Variants in CCDC158 observed in about 807,000 individuals in gnomAD.
CCDC158 encodes coiled-coil domain-containing protein 158.
A neutral mutation model predicts 138.6 loss-of-function variants in CCDC158; 116 were observed. The observed-to-expected ratio is 0.84, with a 90% CI of 0.72 to 0.98. CCDC158 has a LOEUF of 0.98. Ranked by LOEUF, CCDC158 falls within the 50% of genes least tolerant of loss-of-function variation. The pLI is 0.00. For missense variants in CCDC158, 1,265 were observed against 1,306.1 expected, an observed-to-expected ratio of 0.97 and a Z score of 0.48; for synonymous variants, 436 against 442.4, an observed-to-expected ratio of 0.99 and a Z score of 0.18.
Position 76,357,991 on chromosome 4 carries a change from GCA to G in CCDC158, c.2021-467_2021-466del, listed in dbSNP as rs3041129. On this transcript the variant is annotated intron_variant, in intron 13 of 24. Coordinates refer to ENST00000682701, the MANE Select transcript of CCDC158 (RefSeq NM_001394954.1). ...GATATACTACAATACACACATGTGT[GCA>G]CACACACACACACACACATATTTAT... Among the ~76,000 whole-genome samples the G allele has an allele frequency of 1.6e-3, 231 of 148,748 alleles. 1 individual carries two copies. The highest frequency in any genetic ancestry group is 7.1e-3 in the East Asian group (36 of 5,094).
At chr4:76,329,797 T>C (rs1720862482) in intron 21 of CCDC158, among the ~76,000 whole-genome samples, 1 of 152,192 alleles carries the variant, frequency 6.6e-6, no homozygotes, top group African/African-American at 2.4e-5. Flanking sequence ...AGGTTGTTAT[T>C]TGCTTTATAA....
intron 1 of CCDC158, among the ~76,000 whole-genome samples, chr4:76,412,433 T>C (rs1164815137): frequency 6.6e-6 from 1 of 152,118 alleles, no homozygotes; most frequent in Non-Finnish European, 1.5e-5. Context: ...GGCCACATAG[T>C]AAGACCTTGC....
intron 2 of CCDC158, among the ~76,000 whole-genome samples, chr4:76,409,217 G>A (rs1181310834): frequency 6.6e-6 from 1 of 151,912 alleles, no homozygotes; most frequent in Non-Finnish European, 1.5e-5. Flanking sequence ...AGTCATCAGT[G>A]TTTCTCTACT....
rs146678537 is a variant in CCDC158, at chr4:76,372,507, G to A, written c.1030-971C>T. Among the ~76,000 whole-genome samples, 80 of 152,176 alleles carry A rather than the reference G, an allele frequency of 5.3e-4. 2 individuals carry two copies. The highest frequency in any genetic ancestry group is 2.4e-4 in the Non-Finnish European group (16 of 68,034). On this transcript the variant is annotated intron_variant, in intron 9 of 24. Coordinates refer to ENST00000682701, the MANE Select transcript of CCDC158 (RefSeq NM_001394954.1). Reference sequence around the variant, plus strand: ...AGAGCCTAAATAAATGAACTGTATTGTACTTAGAAGAGCTATTTTGCTTCA... The same window carrying A: ...AGAGCCTAAATAAATGAACTGTATTATACTTAGAAGAGCTATTTTGCTTCA...
At position 76,365,156 on chromosome 4, in the gene CCDC158, C is replaced by G. The variant is rs1724533435; in HGVS notation, c.1830+2138G>C. On this transcript the variant is annotated intron_variant, in intron 12 of 24. Transcript: ENST00000682701. ...ATTTGTTTTTAAGAAAGGTCTAGCT[C>G]TGGGGACCCACAGTTATTGAAATAA... Among the ~76,000 whole-genome samples the G allele has an allele frequency of 2.0e-5, 3 of 152,168 alleles. No individual in the cohort carries two copies. The South Asian group carries it at 6.2e-4, about 32-fold the overall frequency.
At chr4:76,345,037 T>C in intron 18 of CCDC158, 3 of 1,376,098 alleles carry the variant, frequency 2.2e-6, no homozygotes, top group South Asian at 1.2e-5. Context: ...ATTATTACAA[T>C]AGGATCAACG....
intron 18 of CCDC158, among the ~76,000 whole-genome samples, chr4:76,337,581 A>C (rs1721636354): frequency 6.6e-6 from 1 of 151,912 alleles, no homozygotes; most frequent in African/African-American, 2.4e-5. Flanking sequence ...AAATACAAAC[A>C]ATTAGCTGGA....
chr4:76,383,696 T>A lies in CCDC158; in HGVS notation c.769A>T (p.Lys257Ter). The A allele has an allele frequency of 6.2e-7, 1 of 1,613,882 alleles. No individual in the cohort carries two copies. The highest frequency in any genetic ancestry group is 1.1e-5 in the South Asian group (1 of 91,076). The change falls in exon 7 of 25, where the codon AAA (lysine) becomes TAA (stop). Residue 257 changes from lysine to a stop codon, truncating the protein, a stop_gained. Transcript: ENST00000682701. LOFTEE classifies it high-confidence loss of function. ...LEALKSESQN[K>*]IELLLQQHQD... Reference sequence around the variant, plus strand: ...TGTTGTTGCAGAAGTAGTTCTATTTTGTTCTGTGATTCAGATTTCAGTGCT... The same window carrying A: ...TGTTGTTGCAGAAGTAGTTCTATTTAGTTCTGTGATTCAGATTTCAGTGCT...
chr4:76,344,664 C>A lies in CCDC158; in HGVS notation c.2664+6332G>T, dbSNP rs560917429. On this transcript the variant is annotated intron_variant, in intron 18 of 24. Coordinates refer to ENST00000682701, the MANE Select transcript of CCDC158 (RefSeq NM_001394954.1). ...TACAGTGCACACAAAGACCACACTGCCCATGTTTCAGAGCCCAGAGTTTTC... is the reference window on the plus strand; with the variant it reads ...TACAGTGCACACAAAGACCACACTGACCATGTTTCAGAGCCCAGAGTTTTC... The A allele has an allele frequency of 5.4e-5, 87 of 1,611,338 alleles. No homozygotes were observed. In the East Asian group the frequency reaches 1.2e-3, roughly 23 times the overall value.
At chr4:76,363,940 G>A (rs551715625) in intron 12 of CCDC158, among the ~76,000 whole-genome samples, 1 of 152,194 alleles carries the variant, frequency 6.6e-6, no homozygotes, top group East Asian at 1.9e-4. Flanking sequence ...CAAGAGAGGT[G>A]GGAGCTTAGA....
intron 9 of CCDC158, among the ~76,000 whole-genome samples, chr4:76,374,802 C>T (rs1275594142): frequency 6.6e-6 from 1 of 150,488 alleles, no homozygotes. Context: ...TGTCTGCTTT[C>T]ACTTAAAAAA....
At chr4:76,314,035 A>G (rs1357222257) in intron 24 of CCDC158, among the ~76,000 whole-genome samples, 1 of 152,138 alleles carries the variant, frequency 6.6e-6, no homozygotes, top group African/African-American at 2.4e-5. Context: ...TTGTATAAAC[A>G]CTTCTGTGCA....
rs779393921 is a variant in CCDC158, at chr4:76,369,519, C to G, written c.1254G>C (p.Arg418=). ...CCATGTTCCGGTTGTCCAGTTCCCG[C>G]CGCAGGTGGTCAATGGTGATGCTGT... is the stretch of plus-strand genomic sequence containing the variant. ...TGNSITIDHL[R]RELDNRNMEV... is the part of the protein sequence containing the mutation. The change falls in exon 11 of 25, where the codon CGG becomes CGC. Residue 418 remains arginine, a synonymous_variant. Transcript: ENST00000682701. 4 of 1,614,168 alleles carry G rather than the reference C, an allele frequency of 2.5e-6. No homozygotes were observed. In the South Asian group the frequency reaches 4.4e-5, roughly 18 times the overall value.
chr4:76,347,184 C>T (rs1436300503), intron 18 of CCDC158, among the ~76,000 whole-genome samples: 1 of 152,154 alleles, frequency 6.6e-6, no homozygotes, highest in East Asian at 1.9e-4. Context: ...TGGGTATATA[C>T]CCAAAGGATC....
At chr4:76,408,855 C>T (rs1276264160) in intron 2 of CCDC158, among the ~76,000 whole-genome samples, 1 of 152,130 alleles carries the variant, frequency 6.6e-6, no homozygotes, top group Admixed American at 6.5e-5. Context: ...CCTGTTGTTT[C>T]CTGACTTTTT....
chr4:76,393,816 A>G (rs1364125834), intron 4 of CCDC158, among the ~76,000 whole-genome samples: 1 of 152,146 alleles, frequency 6.6e-6, no homozygotes, highest in Non-Finnish European at 1.5e-5. Context: ...AAAATAGGCA[A>G]ATGATTTGAA....
At chr4:76,415,874 G>T (rs112051365) in intron 1 of CCDC158, among the ~76,000 whole-genome samples, 4,454 of 152,224 alleles carry the variant, frequency 0.029, 221 homozygotes, top group African/African-American at 0.1. Flanking sequence ...CTACTTAGCA[G>T]ACCGGGAAAG....
chr4:76,360,547 C>G (rs746090078), intron 13 of CCDC158, among the ~76,000 whole-genome samples: 20 of 152,202 alleles, frequency 1.3e-4, no homozygotes, highest in Admixed American at 2.0e-4. Context: ...GAAGCCCACC[C>G]CTTACATCAG....
rs938886404 is a variant in CCDC158, at chr4:76,317,082, G to A, written c.3278-3836C>T. 3.3e-5 allele frequency among the ~76,000 whole-genome samples: 5 copies of A among 149,696 alleles called. No homozygotes were observed. The East Asian group carries it at 7.9e-4, about 24-fold the overall frequency. On this transcript the variant is annotated intron_variant, in intron 24 of 24. Coordinates refer to ENST00000682701, the MANE Select transcript of CCDC158 (RefSeq NM_001394954.1). ...ATAACACAATGAAAAAAAAAACCAA[G>A]GTAATTCAGGCACCAACTAGTAGGA... is the stretch of plus-strand genomic sequence containing the variant.
Sources: gnomAD v4.1 joint callset for allele counts (sites outside exome capture counted in the v4.1 genomes callset) on GRCh38, gnomAD v4.1.1 for gene constraint, MANE v1.5 for transcripts, NCBI Gene and HGNC (gene_info 2026-07-23, HGNC 2026-07-21) for gene names.